Variants in EFNA1 observed in about 807,000 individuals in gnomAD.
EFNA1 encodes the protein ephrin-A1.
A neutral mutation model predicts 23.2 loss-of-function variants in EFNA1; 8 were observed. The ratio of observed to expected loss-of-function variants is 0.34; its 90% confidence interval spans 0.20 to 0.62. EFNA1 has a LOEUF of 0.62. EFNA1 is among the 20% of genes least tolerant of loss of function. EFNA1 has a pLI of 0.75. For missense variants in EFNA1, 217 were observed against 260.0 expected (o/e 0.83, Z 1.14); for synonymous variants, 89 against 98.6 (o/e 0.90, Z 0.58).
At chr1:155,130,082 G>A (rs1225172507) in intron 1 of EFNA1, among the ~76,000 whole-genome samples, 1 of 152,192 alleles carries the variant, frequency 6.6e-6, no homozygotes, top group Non-Finnish European at 1.5e-5. Context: ...GGTGGGGGAG[G>A]GGCCTGGTAA....
chr1:155,130,819 A>G (rs1002764864), intron 1 of EFNA1: 9 of 985,292 alleles, frequency 9.1e-6, no homozygotes, highest in Non-Finnish European at 1.1e-5. Flanking sequence ...GTCCGGGGAA[A>G]TGTGAGAGGA....
intron 1 of EFNA1, chr1:155,130,920 C>T (rs984928143): frequency 8.1e-6 from 8 of 985,150 alleles, no homozygotes; most frequent in African/African-American, 1.7e-5. Flanking sequence ...CAGAATGGAC[C>T]TGTGGGGGTC....
In EFNA1 at chr1:155,131,469, G is replaced by A. The variant is rs1664238604; in HGVS notation, c.223G>A (p.Glu75Lys). The A allele has an allele frequency of 6.2e-7, 1 of 1,613,830 alleles. No individual in the cohort carries two copies. Among genetic ancestry groups the A allele is most frequent in the Non-Finnish European group, 8.5e-7 (1 of 1,179,922 alleles). ...GTACATACTGTACCTGGTGGAGCAT[G>A]AGGAGTACCAGCTGTGCCAGCCCCA... ...EQYILYLVEH[E>K]EYQLCQPQSK... The change falls in exon 2 of 5, where the codon GAG becomes AAG. Residue 75 changes from glutamate to lysine, a missense_variant. Coordinates refer to ENST00000368407, the MANE Select transcript of EFNA1 (RefSeq NM_004428.3).
In EFNA1 at chr1:155,134,143, C is replaced by CCCCAAG; in HGVS notation, c.*76_*77insCCCAAG. On this transcript the variant is annotated 3_prime_UTR_variant, in exon 5 of 5. Coordinates refer to ENST00000368407, the MANE Select transcript of EFNA1 (RefSeq NM_004428.3). ...AGGCACTCCAAACCTGTCTTGGGGC[C>CCCCAAG]ACTTTCAGAGCCCCCAGCCCTGGGA... The CCCCAAG allele has an allele frequency of 1.4e-6, 2 of 1,426,930 alleles. No homozygotes were observed. The highest frequency in any genetic ancestry group is 1.4e-5 in the African/African-American group (1 of 70,780). 88.4% of individuals were successfully genotyped at this position (1,426,930 alleles called of 1,614,324 possible).
At chr1:155,128,191 G>A (rs950544308) in intron 1 of EFNA1, 122 bp downstream of exon 1, 1 of 842,454 alleles carries the variant, frequency 1.2e-6, no homozygotes, top group Non-Finnish European at 1.9e-6. Flanking sequence ...GAGGGCGGCT[G>A]TAGATTTTCC....
At position 155,134,333 on chromosome 1, in the gene EFNA1, C is replaced by T; in HGVS notation, c.*266C>T. The T allele has an allele frequency of 2.0e-6, 1 of 512,760 alleles. No individual in the cohort carries two copies. Among genetic ancestry groups the T allele is most frequent in the South Asian group, 2.0e-5 (1 of 49,264 alleles). 31.8% of individuals were successfully genotyped at this position (512,760 alleles called of 1,614,324 possible). ...GACAGTCCTTTCCCACCATTCCTGCCTTTAAGCCAAAGAAACAAGCTGTGC... is the reference window on the plus strand; with the variant it reads ...GACAGTCCTTTCCCACCATTCCTGCTTTTAAGCCAAAGAAACAAGCTGTGC... On this transcript the variant is annotated 3_prime_UTR_variant, in exon 5 of 5. Transcript: ENST00000368407.
At position 155,133,978 on chromosome 1, in the gene EFNA1, C is replaced by A; in HGVS notation, c.529C>A (p.His177Asn). The A allele has an allele frequency of 6.2e-7, 1 of 1,614,138 alleles. No homozygotes were observed. Among genetic ancestry groups the A allele is most frequent in the Non-Finnish European group, 8.5e-7 (1 of 1,180,016 alleles). Residue 177 changes from histidine (H) to asparagine (N), a missense_variant, in exon 5 of 5, where the codon CAT (histidine) becomes AAT (asparagine). Transcript: ENST00000368407. ...AGATGACCCAGAGGTGCGGGTTCTA[C>A]ATAGCATCGGTCACAGTGCTGCCCC... ...AADDPEVRVL[H>N]SIGHSAAPRL... is the part of the protein sequence containing the mutation.
At chr1:155,131,137 A>C in intron 1 of EFNA1, 2 of 1,356,142 alleles carry the variant, frequency 1.5e-6, no homozygotes, top group East Asian at 5.2e-5. Context: ...AACAGGAGAC[A>C]GTGATGGTGC....
Position 155,127,931 on chromosome 1 carries a change from C to A in EFNA1, c.-47C>A. On this transcript the variant is annotated 5_prime_UTR_variant, in exon 1 of 5. Coordinates refer to ENST00000368407, the MANE Select transcript of EFNA1 (RefSeq NM_004428.3). The surrounding 1 kb of genome is among the most constrained non-coding windows in gnomAD (Gnocchi z 4.4). ...CGGAGAAAGCCAGTGGGAACCCAGA[C>A]CCATAGGAGACCCGCGTCCCCGCTC... The A allele has an allele frequency of 6.7e-7, 1 of 1,493,814 alleles. No individual in the cohort carries two copies. Among genetic ancestry groups the A allele is most frequent in the Non-Finnish European group, 9.3e-7 (1 of 1,079,712 alleles). The allele number at this position is 1,493,814 out of a possible 1,614,324, so 92.5% of individuals were successfully genotyped here. A position where few individuals can be genotyped will look rare whatever the true frequency, so the allele number is the denominator to read the frequency against.
chr1:155,132,949 C>T (rs1387970774), intron 2 of EFNA1, among the ~76,000 whole-genome samples: 1 of 151,934 alleles, frequency 6.6e-6, no homozygotes, highest in East Asian at 1.9e-4. Context: ...CTCGCTCTGT[C>T]GCCCAGACTG....
chr1:155,134,293 GGAGA>G lies in EFNA1; in HGVS notation c.*227_*230del. ...ATCCCCACCTTCACCTCGGAGGGAT[GGAGA>G]AAGAAGTGGAGACAGTCCTTTCCCA... On this transcript the variant is annotated 3_prime_UTR_variant, in exon 5 of 5. Coordinates refer to ENST00000368407, the MANE Select transcript of EFNA1 (RefSeq NM_004428.3). 1 of 573,496 alleles carries G rather than the reference GGAGA, an allele frequency of 1.7e-6. No individual in the cohort carries two copies. The highest frequency in any genetic ancestry group is 3.1e-6 in the Non-Finnish European group (1 of 319,448). The allele number at this position is 573,496 out of a possible 1,614,324, so 35.5% of individuals were successfully genotyped here.
chr1:155,134,072 G>A lies in EFNA1; in HGVS notation c.*5G>A, dbSNP rs774976417. The A allele has an allele frequency of 5.6e-6, 9 of 1,613,610 alleles. No individual in the cohort carries two copies. The Middle Eastern group carries it at 8.3e-4, about 148-fold the overall frequency. ...CTGCTGCTGCAAACCCCGTGAAGGT[G>A]TATGCCACACCTGGCCTTAAAGAGG... On this transcript the variant is annotated 3_prime_UTR_variant, in exon 5 of 5. Coordinates refer to ENST00000368407, the MANE Select transcript of EFNA1 (RefSeq NM_004428.3).
At position 155,134,285 on chromosome 1, in the gene EFNA1, G is replaced by A. The variant is rs189626946; in HGVS notation, c.*218G>A. ...ACAGTGCCATCCCCACCTTCACCTC[G>A]GAGGGATGGAGAAAGAAGTGGAGAC... On this transcript the variant is annotated 3_prime_UTR_variant, in exon 5 of 5. Transcript: ENST00000368407. 34 of 580,800 alleles carry A rather than the reference G, an allele frequency of 5.9e-5. No individual in the cohort carries two copies. Among genetic ancestry groups the A allele is most frequent in the East Asian group, 5.8e-4 (20 of 34,340 alleles). The allele number at this position is 580,800 out of a possible 1,614,324, so 36.0% of individuals were successfully genotyped here. A position where few individuals can be genotyped will look rare whatever the true frequency, so the allele number is the denominator to read the frequency against.
Position 155,127,938 on chromosome 1 carries a change from G to A in EFNA1, c.-40G>A, listed in dbSNP as rs762773116. The A allele has an allele frequency of 1.0e-5, 16 of 1,544,952 alleles. No individual in the cohort carries two copies. In the South Asian group the frequency reaches 1.5e-4, roughly 14 times the overall value. ...AGCCAGTGGGAACCCAGACCCATAG[G>A]AGACCCGCGTCCCCGCTCGGCCTGG... On this transcript the variant is annotated 5_prime_UTR_variant, in exon 1 of 5. Transcript: ENST00000368407. This position sits in a 1 kb window ranked among gnomAD's most constrained non-coding sequence, Gnocchi z 4.4.
chr1:155,132,794 G>T (rs954916706), intron 2 of EFNA1, among the ~76,000 whole-genome samples: 3 of 151,982 alleles, frequency 2.0e-5, no homozygotes, highest in African/African-American at 7.2e-5. Flanking sequence ...TCACACCATT[G>T]TACTCCAGCC....
intron 1 of EFNA1, among the ~76,000 whole-genome samples, chr1:155,128,430 C>T (rs1443419360): frequency 6.6e-6 from 1 of 151,986 alleles, no homozygotes; most frequent in Non-Finnish European, 1.5e-5. Flanking sequence ...CTCCACGCCT[C>T]TCCTTGTGTG....
intron 1 of EFNA1, among the ~76,000 whole-genome samples, chr1:155,130,351 A>C (rs1664205826): frequency 6.6e-6 from 1 of 151,918 alleles, no homozygotes; most frequent in African/African-American, 2.4e-5. Flanking sequence ...GACCCCACCC[A>C]GGCTGGAGCC....
chr1:155,131,384 C>T lies in EFNA1; in HGVS notation c.138C>T (p.Tyr46=), dbSNP rs748782426. 8.7e-6 allele frequency: 14 copies of T among 1,614,052 alleles called. No homozygotes were observed. The highest frequency in any genetic ancestry group is 1.7e-4 in the Middle Eastern group (1 of 6,052). The change falls in exon 2 of 5, where the codon TAC becomes TAT. Residue 46 remains tyrosine, a synonymous_variant. Transcript: ENST00000368407. Reference sequence around the variant, plus strand: ...CCATACATGTGCAGCTGAATGACTACGTGGACATCATCTGTCCGCACTATG... The same window carrying T: ...CCATACATGTGCAGCTGAATGACTATGTGGACATCATCTGTCCGCACTATG... ...DYTIHVQLND[Y]VDIICPHYED...
chr1:155,133,824 C>CT (rs1664302727), intron 4 of EFNA1, 44 bp downstream of exon 4: 1 of 1,612,276 alleles, frequency 6.2e-7, no homozygotes, highest in Admixed American at 1.7e-5. Context: ...AGGAAGGGGT[C>CT]TGCTTGAAGA....
Sources: gnomAD v4.1 joint callset for allele counts (sites outside exome capture counted in the v4.1 genomes callset) on GRCh38, gnomAD v4.1.1 for gene constraint, Gnocchi (gnomAD v3.1) non-coding constraint, MANE v1.5 for transcripts, NCBI Gene and HGNC (gene_info 2026-07-23, HGNC 2026-07-21) for gene names.